The following PLCG2 variants were observed in gnomAD, a reference collection of about 807,000 sequenced individuals.
PLCG2 encodes the protein phospholipase C gamma 2, also known as 1-phosphatidylinositol 4,5-bisphosphate phosphodiesterase gamma-2.
Under a neutral mutation model 175.6 loss-of-function variants are expected in PLCG2, and 69 were observed. The observed-to-expected ratio is 0.39, with a 90% confidence interval of 0.32 to 0.48. PLCG2 has a LOEUF of 0.48. PLCG2 is among the 20% of genes least tolerant of loss of function. The pLI is 0.91. For missense variants in PLCG2, 1,798 were observed against 1,650.9 expected (o/e 1.09, Z -1.54); for synonymous variants, 827 against 624.0 (o/e 1.33, Z -4.85).
intron 2 of PLCG2, among the ~76,000 whole-genome samples, chr16:81,810,223 C>G (rs927276717): frequency 6.6e-6 from 1 of 152,140 alleles, no homozygotes; most frequent in African/African-American, 2.4e-5. Flanking sequence ...TCTCTTGATT[C>G]TCGTGGCATG....
At chr16:81,836,306 T>G (rs1905512684) in intron 2 of PLCG2, among the ~76,000 whole-genome samples, 1 of 152,222 alleles carries the variant, frequency 6.6e-6, no homozygotes, top group Non-Finnish European at 1.5e-5. Flanking sequence ...ATCGTGGATC[T>G]CCTGGTGCCC....
At chr16:81,854,851 C>G (rs1039647580) in intron 3 of PLCG2, among the ~76,000 whole-genome samples, 9 of 152,230 alleles carry the variant, frequency 5.9e-5, no homozygotes, top group Admixed American at 3.3e-4. Flanking sequence ...TGTTAAGTGT[C>G]TCTCTGGCTC....
intron 10 of PLCG2, among the ~76,000 whole-genome samples, chr16:81,890,678 G>A (rs941372155): frequency 2.6e-5 from 4 of 152,216 alleles, no homozygotes; most frequent in African/African-American, 9.7e-5. Context: ...GAACTGGGGA[G>A]CGACTGACCC....
intron 2 of PLCG2, among the ~76,000 whole-genome samples, chr16:81,764,776 A>G (rs555086241): frequency 1.8e-4 from 27 of 152,348 alleles, no homozygotes; most frequent in African/African-American, 6.5e-4. Flanking sequence ...ATATGTGGTC[A>G]TACTGCATTA....
intron 30 of PLCG2, 21 bp downstream of exon 30, chr16:81,940,080 G>C (rs755479663): frequency 1.9e-6 from 3 of 1,590,956 alleles, no homozygotes; most frequent in African/African-American, 2.7e-5. Context: ...TTTTAATTAA[G>C]ATGTTCGATT....
chr16:81,832,402 T>G, intron 2 of PLCG2, among the ~76,000 whole-genome samples: 1 of 152,198 alleles, frequency 6.6e-6, no homozygotes, highest in Non-Finnish European at 1.5e-5. Flanking sequence ...CACCCTGCCT[T>G]TTTTTGAGAC....
Position 81,959,968 on chromosome 16 carries a change from A to G in PLCG2, c.*1970A>G. ...GGGTTTTTTGCTACCATATCAAAGA[A>G]CCTGACATATGGCGGCATAGGAAGC... On this transcript the variant is annotated 3_prime_UTR_variant, in exon 33 of 33. Coordinates refer to ENST00000564138, the MANE Select transcript of PLCG2 (RefSeq NM_002661.5). The G allele has an allele frequency of 4.9e-6, 1 of 205,856 alleles. No homozygotes were observed. The highest frequency in any genetic ancestry group is 9.9e-6 in the Non-Finnish European group (1 of 100,758). The allele number at this position is 205,856 out of a possible 1,614,324, so 12.8% of individuals were successfully genotyped here.
chr16:81,756,854 C>T (rs948670562), intron 2 of PLCG2, among the ~76,000 whole-genome samples: 5 of 152,244 alleles, frequency 3.3e-5, no homozygotes, highest in Admixed American at 6.5e-5. Context: ...CAGTTTGTTC[C>T]GAGTCTGATC....
chr16:81,811,102 G>T (rs111407264), intron 2 of PLCG2, among the ~76,000 whole-genome samples: 2 of 152,100 alleles, frequency 1.3e-5, no homozygotes, highest in East Asian at 3.8e-4. Context: ...GAGGTGTTCA[G>T]TGTGCTGGGG....
chr16:81,786,091 C>G lies in PLCG2; in HGVS notation c.102C>G (p.Arg34=), dbSNP rs1319448998. ...LGTVMTVFSF[R]KSTPERRTVQ... Reference sequence around the variant, plus strand: ...CGGTGATGACTGTGTTCAGCTTCCGCAAGTCCACCCCCGAGCGGAGAACCG... The same window carrying G: ...CGGTGATGACTGTGTTCAGCTTCCGGAAGTCCACCCCCGAGCGGAGAACCG... The change falls in exon 2 of 33, where the codon CGC becomes CGG. Residue 34 remains arginine (R), a synonymous_variant. Transcript: ENST00000564138. 2 of 1,614,088 alleles carry G rather than the reference C, an allele frequency of 1.2e-6. No individual in the cohort carries two copies. Among genetic ancestry groups the G allele is most frequent in the African/African-American group, 2.7e-5 (2 of 74,938 alleles).
At chr16:81,822,319 C>T (rs763216957) in intron 2 of PLCG2, among the ~76,000 whole-genome samples, 1 of 152,120 alleles carries the variant, frequency 6.6e-6, no homozygotes, top group South Asian at 2.1e-4. Flanking sequence ...CCAGAGATGT[C>T]CATGTCCTGC....
At position 81,781,048 on chromosome 16, in the gene PLCG2, A is replaced by AACAAACAC. The variant is rs1555505853; in HGVS notation, c.-48+1627_-48+1628insAACACACA. Reference sequence around the variant, plus strand: ...CTCAAGACAAACAAACAAACAAACAAACACACACAAACACTTCTTAATTTA... The same window carrying AACAAACAC: ...CTCAAGACAAACAAACAAACAAACAAACAAACACACACACACAAACACTTCTTAATTTA... On this transcript the variant is annotated intron_variant, in intron 1 of 32. Transcript: ENST00000564138. 5.3e-5 allele frequency among the ~76,000 whole-genome samples: 8 copies of AACAAACAC among 151,702 alleles called. No individual in the cohort carries two copies. In the East Asian group the frequency reaches 1.4e-3, roughly 26 times the overall value.
chr16:81,778,329 C>A (rs934282000), upstream of PLCG2, among the ~76,000 whole-genome samples: 1 of 152,094 alleles, frequency 6.6e-6, no homozygotes, highest in Non-Finnish European at 1.5e-5. Flanking sequence ...ATGATGGCAC[C>A]ACTGCACTCC....
intron 1 of PLCG2, chr16:81,785,630 A>G (rs532504426): frequency 4.9e-5 from 9 of 185,294 alleles, no homozygotes; most frequent in African/African-American, 7.1e-5. Context: ...TGGCTATTCA[A>G]ATATTCTTTA....
At chr16:81,921,339 C>A in intron 21 of PLCG2, 70 bp downstream of exon 21, 2 of 1,036,144 alleles carry the variant, frequency 1.9e-6, no homozygotes, top group Non-Finnish European at 3.1e-6. Context: ...ATCTTGTTCC[C>A]ATGGCAGTTA....
At chr16:81,822,505 C>G (rs1272297004) in intron 2 of PLCG2, among the ~76,000 whole-genome samples, 1 of 152,038 alleles carries the variant, frequency 6.6e-6, no homozygotes, top group Non-Finnish European at 1.5e-5. Context: ...GCCTGTAATC[C>G]CAGCACTTTG....
At chr16:81,935,656 A>G in intron 26 of PLCG2, 1 of 985,348 alleles carries the variant, frequency 1.0e-6, no homozygotes, top group Non-Finnish European at 1.2e-6. Flanking sequence ...GGGCTATCCC[A>G]CCACAGCTGG....
chr16:81,865,114 G>A (rs1195288911), intron 5 of PLCG2, among the ~76,000 whole-genome samples: 2 of 152,166 alleles, frequency 1.3e-5, no homozygotes, highest in Non-Finnish European at 2.9e-5. Context: ...ACCTGATGGG[G>A]AGCTCTGAGC....
intron 7 of PLCG2, among the ~76,000 whole-genome samples, chr16:81,875,342 G>A (rs191683326): frequency 1.3e-5 from 2 of 152,150 alleles, no homozygotes; most frequent in African/African-American, 4.8e-5. Context: ...CCATTTTAGG[G>A]ATTAAGAAAC....
Sources: allele counts gnomAD v4.1 joint callset (sites outside exome capture counted in the v4.1 genomes callset), GRCh38; gene constraint gnomAD v4.1.1; transcripts MANE v1.5; gene names NCBI Gene and HGNC (gene_info 2026-07-23, HGNC 2026-07-21).